Variants in EPHB1 observed in about 807,000 individuals in gnomAD.
The protein encoded by EPHB1 is ephrin type-B receptor 1.
A neutral mutation model predicts 94.4 loss-of-function variants in EPHB1; 30 were observed. The observed-to-expected ratio is 0.32, with a 90% CI of 0.24 to 0.43. The LOEUF (loss-of-function observed/expected upper bound fraction) is 0.43. Ranked by LOEUF, EPHB1 falls within the 20% of genes least tolerant of loss-of-function variation. EPHB1 has a pLI of 1.00. For missense variants in EPHB1, 1,055 were observed against 1,308.3 expected (o/e 0.81, Z 2.99); for synonymous variants, 522 against 489.1 (o/e 1.07, Z -0.89).
chr3:135,171,514 G>A (rs2107701624), intron 9 of EPHB1, among the ~76,000 whole-genome samples: 1 of 152,284 alleles, frequency 6.6e-6, no homozygotes. Flanking sequence ...CACAGAAGAT[G>A]AATCAAAATT....
At chr3:135,207,840 C>T (rs1412024328) in intron 12 of EPHB1, among the ~76,000 whole-genome samples, 1 of 152,166 alleles carries the variant, frequency 6.6e-6, no homozygotes, top group African/African-American at 2.4e-5. Context: ...CTGGTTATGT[C>T]CTCAGATGCC....
At chr3:134,804,688 C>T (rs2036003183) in intron 1 of EPHB1, among the ~76,000 whole-genome samples, 1 of 152,186 alleles carries the variant, frequency 6.6e-6, no homozygotes, top group South Asian at 2.1e-4. Context: ...TGGACTGTGT[C>T]CTGCTTACCC....
intron 12 of EPHB1, among the ~76,000 whole-genome samples, chr3:135,216,933 A>G (rs13315166): frequency 6.6e-6 from 1 of 151,958 alleles, no homozygotes; most frequent in East Asian, 1.9e-4. Flanking sequence ...TAAGTAAATC[A>G]CTGTTCAAGG....
intron 5 of EPHB1, among the ~76,000 whole-genome samples, chr3:135,151,738 T>G (rs917488670): frequency 7.2e-5 from 11 of 152,106 alleles, no homozygotes; most frequent in African/African-American, 2.7e-4. Context: ...CAAGAAAAAA[T>G]ACACTTGACA....
At position 134,973,802 on chromosome 3, in the gene EPHB1, G is replaced by A. The variant is rs867445007; in HGVS notation, c.805+21750G>A. On this transcript the variant is annotated intron_variant, in intron 3 of 15. Transcript: ENST00000398015. Reference sequence around the variant, plus strand: ...GCCAAGGGTTGGTAGGAGTGGGATAGGGTAGGGCTTGTCAAAAAGCCTTGG... The same window carrying A: ...GCCAAGGGTTGGTAGGAGTGGGATAAGGTAGGGCTTGTCAAAAAGCCTTGG... 1.1e-4 allele frequency among the ~76,000 whole-genome samples: 16 copies of A among 152,304 alleles called. No homozygotes were observed. In the Middle Eastern group the frequency reaches 0.01, roughly 97 times the overall value.
chr3:134,939,246 G>A (rs1282508213), intron 2 of EPHB1, among the ~76,000 whole-genome samples: 1 of 152,128 alleles, frequency 6.6e-6, no homozygotes, highest in Non-Finnish European at 1.5e-5. Context: ...CACAGTTTAG[G>A]GAATTCATTG....
intron 3 of EPHB1, among the ~76,000 whole-genome samples, chr3:135,105,114 G>A (rs1414404048): frequency 6.6e-6 from 1 of 152,186 alleles, no homozygotes; most frequent in Admixed American, 6.5e-5. Flanking sequence ...ACAGATGGTG[G>A]CTACTGCTAT....
In EPHB1 at chr3:135,049,136, G is replaced by A. The variant is rs184806429; in HGVS notation, c.806-57312G>A. On this transcript the variant is annotated intron_variant, in intron 3 of 15. Coordinates refer to ENST00000398015, the MANE Select transcript of EPHB1 (RefSeq NM_004441.5). ...GGGCTGCATCCATCATTGAGCAGGT[G>A]AGTTAGAGAGATGCCTTGCCATTGA... is the stretch of plus-strand genomic sequence containing the variant. 2.6e-5 allele frequency among the ~76,000 whole-genome samples: 4 copies of A among 152,320 alleles called. No homozygotes were observed. The South Asian group carries it at 8.3e-4, about 32-fold the overall frequency.
intron 15 of EPHB1, among the ~76,000 whole-genome samples, chr3:135,253,335 T>G (rs1292810843): frequency 9.4e-5 from 14 of 149,710 alleles, no homozygotes; most frequent in African/African-American, 2.4e-4. Flanking sequence ...CTAGGGTTTT[T>G]ATGGTTTTAG....
intron 13 of EPHB1, among the ~76,000 whole-genome samples, chr3:135,245,649 T>TA (rs1284403971): frequency 1.3e-5 from 2 of 150,474 alleles, no homozygotes; most frequent in East Asian, 3.9e-4. Flanking sequence ...CTACTAAAAA[T>TA]ACAAAAGTTT....
intron 12 of EPHB1, among the ~76,000 whole-genome samples, chr3:135,204,441 G>C (rs887482913): frequency 6.6e-5 from 10 of 150,884 alleles, no homozygotes; most frequent in Middle Eastern, 3.3e-3. Flanking sequence ...CTTGACCTCA[G>C]TTGATCTGGC....
At chr3:135,226,587 C>T (rs1216474381) in intron 12 of EPHB1, among the ~76,000 whole-genome samples, 1 of 152,154 alleles carries the variant, frequency 6.6e-6, no homozygotes, top group Non-Finnish European at 1.5e-5. Context: ...CGACTCTTTC[C>T]CTGTGGCTCT....
chr3:134,821,813 G>T (rs2036386470), intron 1 of EPHB1, among the ~76,000 whole-genome samples: 1 of 152,182 alleles, frequency 6.6e-6, no homozygotes, highest in Non-Finnish European at 1.5e-5. Flanking sequence ...AGCCTGTGCT[G>T]TTGTGATGCC....
At chr3:135,179,775 G>A (rs2107704759) in intron 9 of EPHB1, 85 bp from the exon 10 acceptor site, 1 of 1,526,952 alleles carries the variant, frequency 6.5e-7, no homozygotes. Context: ...TCCCAGGAAT[G>A]CCCTTAGTGC....
At chr3:134,992,087 A>G (rs6775338) in intron 3 of EPHB1, among the ~76,000 whole-genome samples, 4,802 of 152,128 alleles carry the variant, frequency 0.032, 242 homozygotes, top group African/African-American at 0.11. Flanking sequence ...GTCACCTGTG[A>G]GGAAAAATTG....
At chr3:134,852,075 C>T (rs985050285) in intron 1 of EPHB1, among the ~76,000 whole-genome samples, 5 of 152,186 alleles carry the variant, frequency 3.3e-5, no homozygotes, top group Admixed American at 2.0e-4. Flanking sequence ...TCCTGGCAGT[C>T]GGCTGTGCAC....
At chr3:134,907,396 G>C (rs553437513) in intron 1 of EPHB1, among the ~76,000 whole-genome samples, 4 of 152,232 alleles carry the variant, frequency 2.6e-5, no homozygotes, top group Admixed American at 2.0e-4. Flanking sequence ...AGGGCAGATG[G>C]GCCCAAAGTG....
At chr3:134,869,443 G>GT (rs1401534552) in intron 1 of EPHB1, among the ~76,000 whole-genome samples, 1 of 152,118 alleles carries the variant, frequency 6.6e-6, no homozygotes, top group Non-Finnish European at 1.5e-5. Context: ...AATAGCAACA[G>GT]TTTTTTTCAT....
chr3:135,081,357 C>A (rs1202181578), intron 3 of EPHB1, among the ~76,000 whole-genome samples: 2 of 152,074 alleles, frequency 1.3e-5, no homozygotes, highest in Admixed American at 6.6e-5. Context: ...CCAGGGTTTT[C>A]GAGTAGAATC....
Sources: allele counts gnomAD v4.1 joint callset (sites outside exome capture counted in the v4.1 genomes callset), GRCh38; gene constraint gnomAD v4.1.1; transcripts MANE v1.5; gene names NCBI Gene and HGNC (gene_info 2026-07-23, HGNC 2026-07-21).